The following SYT1 variants were observed in gnomAD, a reference collection of about 807,000 sequenced individuals.
SYT1 encodes the protein synaptotagmin-1.
SYT1 carries 8 observed loss-of-function variants against 44.8 expected under a neutral mutation model. The ratio of observed to expected loss-of-function variants is 0.18; its 90% confidence interval spans 0.10 to 0.32. The LOEUF is 0.32. Ranked by LOEUF, SYT1 falls within the 10% of genes least tolerant of loss-of-function variation. SYT1 has a pLI of 1.00. For synonymous variants in SYT1, 154 were observed against 188.8 expected, an observed-to-expected ratio of 0.82 and a Z score of 1.51; for missense variants, 286 against 509.3, an observed-to-expected ratio of 0.56 and a Z score of 4.22.
chr12:79,359,270 C>T (rs1263935869), intron 9 of SYT1, among the ~76,000 whole-genome samples: 1 of 152,108 alleles, frequency 6.6e-6, no homozygotes, highest in African/African-American at 2.4e-5. Context: ...GTAGCTATTC[C>T]AGCAGCCTCC....
chr12:79,303,424 G>T, intron 8 of SYT1, among the ~76,000 whole-genome samples: 1 of 150,278 alleles, frequency 6.7e-6, no homozygotes, highest in Non-Finnish European at 1.5e-5. Flanking sequence ...TTAACATTCC[G>T]CCCTGATATG....
intron 3 of SYT1, among the ~76,000 whole-genome samples, chr12:79,130,964 G>A (rs1251595112): frequency 6.6e-6 from 1 of 152,092 alleles, no homozygotes; most frequent in African/African-American, 2.4e-5. Flanking sequence ...ACAGGGCATT[G>A]AACAGGGATT....
chr12:79,171,213 C>T (rs1478703289), intron 3 of SYT1, among the ~76,000 whole-genome samples: 1 of 151,854 alleles, frequency 6.6e-6, no homozygotes. Context: ...AAATAGTTTT[C>T]TCTAGTTCTG....
chr12:79,052,895 C>T (rs1026950171), intron 3 of SYT1, among the ~76,000 whole-genome samples: 23 of 151,978 alleles, frequency 1.5e-4, no homozygotes, highest in Non-Finnish European at 2.2e-4. Flanking sequence ...AGGAACACTT[C>T]TACACTGTTG....
chr12:79,324,289 C>T (rs891485200), intron 8 of SYT1, among the ~76,000 whole-genome samples: 3 of 152,106 alleles, frequency 2.0e-5, no homozygotes, highest in African/African-American at 4.8e-5. Flanking sequence ...AATGCACACA[C>T]ACAGGGAGAT....
rs576895559 is a variant in SYT1 at position 79,255,391 on chromosome 12, A to T, written c.167-30396A>T. Among the ~76,000 whole-genome samples, 3 of 152,226 alleles carry T rather than the reference A, an allele frequency of 2.0e-5. No homozygotes were observed. In the South Asian group the frequency reaches 6.2e-4, roughly 31 times the overall value. ...ATTTTTAGACCTAATGCTATTATAT[A>T]CTTAACAGGCTACAGTATAGTGTAA... On this transcript the variant is annotated intron_variant, in intron 4 of 10. Transcript: ENST00000261205.
At chr12:79,266,065 C>A (rs1473341461) in intron 4 of SYT1, among the ~76,000 whole-genome samples, 1 of 152,154 alleles carries the variant, frequency 6.6e-6, no homozygotes, top group Non-Finnish European at 1.5e-5. Context: ...TCCAGTGGAG[C>A]CATGCTTACA....
chr12:78,928,334 T>C (rs1877419472), intron 1 of SYT1, among the ~76,000 whole-genome samples: 1 of 152,158 alleles, frequency 6.6e-6, no homozygotes, highest in African/African-American at 2.4e-5. Context: ...ACTAAGCCCT[T>C]ATCATACACT....
intron 3 of SYT1, among the ~76,000 whole-genome samples, chr12:79,082,350 T>C (rs894113985): frequency 2.0e-5 from 3 of 152,180 alleles, no homozygotes; most frequent in Non-Finnish European, 4.4e-5. Context: ...GGATAGCAAC[T>C]TTCCAGGGAG....
At chr12:79,287,107 G>A (rs956410976) in intron 5 of SYT1, among the ~76,000 whole-genome samples, 4 of 151,998 alleles carry the variant, frequency 2.6e-5, no homozygotes, top group African/African-American at 9.7e-5. Flanking sequence ...CCCAGCTTCA[G>A]TTTTAAACTC....
At chr12:79,294,878 A>G (rs992660309) in intron 6 of SYT1, among the ~76,000 whole-genome samples, 4 of 141,502 alleles carry the variant, frequency 2.8e-5, no homozygotes, top group Middle Eastern at 3.7e-3. Flanking sequence ...CCACTGTTGT[A>G]TCATGATTCC....
At chr12:78,922,758 T>C (rs915673346) in intron 1 of SYT1, among the ~76,000 whole-genome samples, 3 of 152,022 alleles carry the variant, frequency 2.0e-5, no homozygotes, top group African/African-American at 7.2e-5. Context: ...GTATCCCTGG[T>C]ATGCCTCAGA....
At chr12:79,237,652 A>G (rs1303302289) in intron 4 of SYT1, among the ~76,000 whole-genome samples, 16 of 152,140 alleles carry the variant, frequency 1.1e-4, no homozygotes, top group Admixed American at 1.0e-3. Context: ...CCCGTTGAAA[A>G]TTTTAAGTTA....
At chr12:79,240,708 TG>T (rs1467385498) in intron 4 of SYT1, among the ~76,000 whole-genome samples, 1 of 152,138 alleles carries the variant, frequency 6.6e-6, no homozygotes, top group Non-Finnish European at 1.5e-5. Context: ...GTGCTTAATT[TG>T]ATCTCAGTTG....
intron 9 of SYT1, among the ~76,000 whole-genome samples, chr12:79,435,295 A>C (rs1414474821): frequency 6.6e-6 from 1 of 152,192 alleles, no homozygotes; most frequent in Non-Finnish European, 1.5e-5. Flanking sequence ...ACAGGGACTG[A>C]AAAAGATAAA....
chr12:79,000,704 A>C (rs1870683332), intron 2 of SYT1, among the ~76,000 whole-genome samples: 1 of 152,160 alleles, frequency 6.6e-6, no homozygotes, highest in Admixed American at 6.6e-5. Context: ...TGGATTTCCT[A>C]ATGGTGCCTT....
intron 3 of SYT1, among the ~76,000 whole-genome samples, chr12:79,111,069 A>G (rs1878984899): frequency 6.6e-6 from 1 of 152,126 alleles, no homozygotes; most frequent in Non-Finnish European, 1.5e-5. Flanking sequence ...AAGTATAGCA[A>G]TGAAAAATGA....
intron 3 of SYT1, among the ~76,000 whole-genome samples, chr12:79,176,531 T>C (rs1871879668): frequency 6.6e-6 from 1 of 152,054 alleles, no homozygotes; most frequent in African/African-American, 2.4e-5. Flanking sequence ...AATACTAAAT[T>C]AAGCTGAGTA....
At position 78,931,405 on chromosome 12, in the gene SYT1, G is replaced by GAGGA. The variant is rs149496899; in HGVS notation, c.-216-46368_-216-46365dup. Among the ~76,000 whole-genome samples the GAGGA allele has an allele frequency of 1.6e-3, 145 of 92,104 alleles. 1 individual carries two copies. Among genetic ancestry groups the GAGGA allele is most frequent in the East Asian group, 4.2e-3 (8 of 1,924 alleles). 60.4% of individuals were successfully genotyped at this position (92,104 alleles called of 152,430 possible). On this transcript the variant is annotated intron_variant, in intron 1 of 10. Coordinates refer to ENST00000261205, the MANE Select transcript of SYT1 (RefSeq NM_005639.3). ...GGAAGGAAGGAAGGAAGGGAGGAGA[G>GAGGA]AGGAAGGAAGGAAGGAAGGAAGGAA...
Sources: allele counts gnomAD v4.1 joint callset (sites outside exome capture counted in the v4.1 genomes callset), GRCh38; gene constraint gnomAD v4.1.1; transcripts MANE v1.5; gene names NCBI Gene and HGNC (gene_info 2026-07-23, HGNC 2026-07-21).